Variants in AMPH observed in about 807,000 individuals in gnomAD.
AMPH encodes the protein amphiphysin (Stiff-Mann syndrome with breast cancer 128kD autoantigen).
A neutral mutation model predicts 99.1 loss-of-function variants in AMPH; 49 were observed. The observed-to-expected ratio is 0.49, with a 90% CI of 0.39 to 0.63. The LOEUF is 0.63. AMPH is among the 20% of genes least tolerant of loss of function. AMPH has a pLI of 0.00. For synonymous variants in AMPH, 314 were observed against 317.3 expected (o/e 0.99, Z 0.11); for missense variants, 759 against 863.4 (o/e 0.88, Z 1.52).
chr7:38,385,028 C>A (rs1435413740), intron 20 of AMPH, 103 bp from the exon 21 acceptor site: 3 of 1,046,710 alleles, frequency 2.9e-6, no homozygotes, highest in Admixed American at 1.9e-5. Context: ...TGGTTCTGAA[C>A]CAGGATGTCA....
intron 1 of AMPH, among the ~76,000 whole-genome samples, chr7:38,557,370 G>A (rs1490529703): frequency 1.3e-5 from 2 of 152,172 alleles, no homozygotes; most frequent in Non-Finnish European, 2.9e-5. Context: ...TGAGAGAGAT[G>A]AGGTGGAGAT....
chr7:38,399,984 TCA>T (rs1475375047), intron 17 of AMPH, among the ~76,000 whole-genome samples: 2 of 152,198 alleles, frequency 1.3e-5, no homozygotes, highest in Non-Finnish European at 2.9e-5. Flanking sequence ...CGCCTGTCCA[TCA>T]CACAGAAATC....
chr7:38,528,309 G>A (rs943480816), intron 2 of AMPH, among the ~76,000 whole-genome samples: 17 of 152,124 alleles, frequency 1.1e-4, no homozygotes, highest in Non-Finnish European at 2.9e-5. Flanking sequence ...AAAAGATTAT[G>A]TAAAATTGAT....
intron 4 of AMPH, among the ~76,000 whole-genome samples, chr7:38,493,892 T>C (rs1788822190): frequency 6.6e-6 from 1 of 152,108 alleles, no homozygotes; most frequent in South Asian, 2.1e-4. Flanking sequence ...AATGATATTG[T>C]TATTTTGCAA....
At chr7:38,430,082 C>T (rs978658005) in intron 13 of AMPH, 2 of 523,164 alleles carry the variant, frequency 3.8e-6, no homozygotes, top group Non-Finnish European at 3.3e-6. Context: ...CAAAGAAAGC[C>T]TCTTTCACTT....
intron 1 of AMPH, among the ~76,000 whole-genome samples, chr7:38,564,832 A>G (rs891747060): frequency 6.6e-6 from 1 of 152,228 alleles, no homozygotes; most frequent in African/African-American, 2.4e-5. Flanking sequence ...TACCATAAAA[A>G]GAAAAGAACC....
At chr7:38,472,205 C>T (rs753048812) in intron 7 of AMPH, among the ~76,000 whole-genome samples, 193 of 152,152 alleles carry the variant, frequency 1.3e-3, no homozygotes, top group Middle Eastern at 3.4e-3. Flanking sequence ...TTACTTCATA[C>T]CCAGTATTAT....
chr7:38,612,011 C>T (rs1793696422), intron 1 of AMPH, among the ~76,000 whole-genome samples: 1 of 151,708 alleles, frequency 6.6e-6, no homozygotes, highest in Non-Finnish European at 1.5e-5. Context: ...GGACACGCCT[C>T]TGATTGCTCA....
intron 7 of AMPH, among the ~76,000 whole-genome samples, chr7:38,471,352 G>C (rs1347487309): frequency 6.6e-6 from 1 of 151,964 alleles, no homozygotes; most frequent in Non-Finnish European, 1.5e-5. Flanking sequence ...TTCCTTCTTG[G>C]TGATACCACT....
intron 7 of AMPH, among the ~76,000 whole-genome samples, chr7:38,473,796 A>T (rs1459883507): frequency 7.0e-6 from 1 of 143,740 alleles, no homozygotes; most frequent in African/African-American, 2.5e-5. Context: ...TATTTTTTAA[A>T]AAAAAGCCAT....
At chr7:38,521,962 C>T (rs1187665343) in intron 2 of AMPH, among the ~76,000 whole-genome samples, 1 of 152,124 alleles carries the variant, frequency 6.6e-6, no homozygotes, top group Non-Finnish European at 1.5e-5. Flanking sequence ...GTAATTAAGG[C>T]CAAATCTACC....
At chr7:38,518,224 T>A (rs989244817) in intron 2 of AMPH, among the ~76,000 whole-genome samples, 4 of 152,204 alleles carry the variant, frequency 2.6e-5, no homozygotes, top group Admixed American at 2.0e-4. Flanking sequence ...CCTCCCATAA[T>A]ATTTCAAAGG....
At chr7:38,449,111 C>A (rs2284250) in intron 11 of AMPH, among the ~76,000 whole-genome samples, 8,626 of 152,154 alleles carry the variant, frequency 0.057, 635 homozygotes, top group East Asian at 0.35. Flanking sequence ...AAAGGCCCTC[C>A]TACCACTATA....
chr7:38,427,647 TG>T (rs766585127), intron 14 of AMPH, among the ~76,000 whole-genome samples: 7,654 of 51,442 alleles, frequency 0.15, 311 homozygotes, highest in East Asian at 0.32. Flanking sequence ...TTGATGCTGC[TG>T]CTTTTTTTTT....
At chr7:38,627,272 G>A (rs1027508568) in intron 1 of AMPH, among the ~76,000 whole-genome samples, 5 of 151,848 alleles carry the variant, frequency 3.3e-5, no homozygotes, top group East Asian at 3.9e-4. Flanking sequence ...GGCCGGGCGC[G>A]GTGGCTCGCA....
intron 5 of AMPH, among the ~76,000 whole-genome samples, chr7:38,488,725 C>T (rs1788609007): frequency 1.3e-5 from 2 of 151,840 alleles, no homozygotes; most frequent in South Asian, 2.1e-4. Context: ...AAAGAAGTTA[C>T]GAGAGCAATA....
chr7:38,482,407 G>T (rs923491061), intron 5 of AMPH, among the ~76,000 whole-genome samples: 4 of 152,094 alleles, frequency 2.6e-5, no homozygotes, highest in Non-Finnish European at 5.9e-5. Context: ...CTCAATAAAA[G>T]AATTGCTCAA....
Position 38,466,127 on chromosome 7 carries a change from T to C in AMPH, c.666+46A>G, listed in dbSNP as rs746426114. 12 of 1,448,618 alleles carry C rather than the reference T, an allele frequency of 8.3e-6. No homozygotes were observed. In the South Asian group the frequency reaches 1.4e-4, roughly 17 times the overall value. 89.7% of individuals were successfully genotyped at this position (1,448,618 alleles called of 1,614,324 possible). On this transcript the variant is annotated intron_variant, in intron 8 of 20. Coordinates refer to ENST00000356264, the MANE Select transcript of AMPH (RefSeq NM_001635.4). ...TTTCATTTGCTTCCAAAATAAACCTTCCTTTACTTTATATTCCATATGCAA... is the reference window on the plus strand; with the variant it reads ...TTTCATTTGCTTCCAAAATAAACCTCCCTTTACTTTATATTCCATATGCAA...
At chr7:38,571,199 A>G (rs1203672120) in intron 1 of AMPH, among the ~76,000 whole-genome samples, 2 of 96,862 alleles carry the variant, frequency 2.1e-5, no homozygotes, top group African/African-American at 4.3e-5. Context: ...ATATATTTAT[A>G]TATAATTATT....
Sources: gnomAD v4.1 joint callset for allele counts (sites outside exome capture counted in the v4.1 genomes callset) on GRCh38, gnomAD v4.1.1 for gene constraint, MANE v1.5 for transcripts, NCBI Gene and HGNC (gene_info 2026-07-23, HGNC 2026-07-21) for gene names.